The following PTPRD variants were observed in gnomAD, a reference collection of about 807,000 sequenced individuals.
The protein encoded by PTPRD is receptor-type tyrosine-protein phosphatase delta.
A neutral mutation model predicts 214.5 loss-of-function variants in PTPRD; 34 were observed. The observed-to-expected ratio is 0.16, with a 90% CI of 0.12 to 0.21. The LOEUF (loss-of-function observed/expected upper bound fraction) is 0.21. Ranked by LOEUF, PTPRD falls within the 10% of genes least tolerant of loss-of-function variation. PTPRD has a pLI of 1.00. For synonymous variants in PTPRD, 1,128 were observed against 845.7 expected (o/e 1.33, Z -5.79); for missense variants, 2,545 against 2,398.7 (o/e 1.06, Z -1.27).
chr9:8,629,012 T>C (rs1006534186), intron 14 of PTPRD, among the ~76,000 whole-genome samples: 1 of 151,802 alleles, frequency 6.6e-6, no homozygotes, highest in African/African-American at 2.4e-5. Context: ...GCAGTGCTAT[T>C]TGAGAACAGC....
chr9:8,504,977 TA>T lies in PTPRD; in HGVS notation c.1678-573del, dbSNP rs1301885667. On this transcript the variant is annotated intron_variant, in intron 22 of 45. Coordinates refer to ENST00000381196, the MANE Select transcript of PTPRD (RefSeq NM_002839.4). The stretch of plus-strand genomic sequence containing the variant: ...ATGGGTAAAATATCACGTTAGTCAC[TA>T]AAGAAAGTTGAATAATTTATCTGAA... 2.6e-5 allele frequency among the ~76,000 whole-genome samples: 4 copies of T among 152,308 alleles called. No individual in the cohort carries two copies. The South Asian group carries it at 8.3e-4, about 32-fold the overall frequency.
At chr9:9,010,969 T>C (rs2099509473) in intron 11 of PTPRD, among the ~76,000 whole-genome samples, 1 of 152,184 alleles carries the variant, frequency 6.6e-6, no homozygotes, top group Non-Finnish European at 1.5e-5. Flanking sequence ...TAATGATTAA[T>C]ATTGATTATT....
At chr9:9,295,125 G>A (rs1391724935) in intron 9 of PTPRD, among the ~76,000 whole-genome samples, 1 of 151,676 alleles carries the variant, frequency 6.6e-6, no homozygotes, top group African/African-American at 2.4e-5. Flanking sequence ...GAAAAGCTGG[G>A]TAATCAGGAA....
chr9:8,940,317 C>T (rs2099024896), intron 11 of PTPRD, among the ~76,000 whole-genome samples: 2 of 102,432 alleles, frequency 2.0e-5, no homozygotes, highest in Non-Finnish European at 3.8e-5. Flanking sequence ...GAGTCTTCCT[C>T]TGTCACCCAG....
intron 12 of PTPRD, among the ~76,000 whole-genome samples, chr9:8,722,129 G>GTGTA (rs775351156): frequency 2.2e-5 from 1 of 46,020 alleles, no homozygotes; most frequent in Non-Finnish European, 4.0e-5. Flanking sequence ...TACTCTGTGT[G>GTGTA]TGTGTGTGTG....
intron 5 of PTPRD, among the ~76,000 whole-genome samples, chr9:9,771,433 G>A (rs1003553758): frequency 1.3e-5 from 2 of 152,222 alleles, no homozygotes; most frequent in African/African-American, 2.4e-5. Flanking sequence ...TTACTGTAAT[G>A]GAACCAACCA....
At chr9:9,614,214 G>A (rs2094713104) in intron 7 of PTPRD, among the ~76,000 whole-genome samples, 1 of 151,988 alleles carries the variant, frequency 6.6e-6, no homozygotes, top group Admixed American at 6.6e-5. Flanking sequence ...GTTAATTTTA[G>A]ATCTTTGTGG....
intron 3 of PTPRD, among the ~76,000 whole-genome samples, chr9:10,064,756 T>A (rs1173081798): frequency 6.6e-6 from 1 of 151,936 alleles, no homozygotes; most frequent in Non-Finnish European, 1.5e-5. Flanking sequence ...CTCAGCATAA[T>A]GTTATAAACT....
At chr9:8,544,185 T>TTTTTTTTGG (rs369919861) in intron 14 of PTPRD, among the ~76,000 whole-genome samples, 1 of 137,722 alleles carries the variant, frequency 7.3e-6, no homozygotes, top group Non-Finnish European at 1.6e-5. Flanking sequence ...TTTTTTTTTT[T>TTTTTTTTGG]GAGACAGAGT....
At chr9:9,854,102 A>T (rs1167652194) in intron 5 of PTPRD, among the ~76,000 whole-genome samples, 1 of 152,142 alleles carries the variant, frequency 6.6e-6, no homozygotes, top group Non-Finnish European at 1.5e-5. Context: ...TACTCCTCCT[A>T]TCTAATTGTA....
chr9:10,103,395 T>TATATATATATATATATATGTA (rs34926923), intron 3 of PTPRD, among the ~76,000 whole-genome samples: 1,459 of 116,492 alleles, frequency 0.013, 41 homozygotes, highest in Admixed American at 0.018. Context: ...ATATATATAT[T>TATATATATATATATATATGTA]TATTTAAGAG....
intron 6 of PTPRD, among the ~76,000 whole-genome samples, chr9:9,745,077 A>G (rs1248966850): frequency 2.6e-5 from 4 of 152,132 alleles, no homozygotes; most frequent in Non-Finnish European, 5.9e-5. Flanking sequence ...CTGATAAAAT[A>G]CTTTAAACAT....
At chr9:10,362,494 G>T (rs886202063) in intron 2 of PTPRD, among the ~76,000 whole-genome samples, 1 of 152,066 alleles carries the variant, frequency 6.6e-6, no homozygotes, top group Non-Finnish European at 1.5e-5. Flanking sequence ...AAAATTCAAT[G>T]TCTAGAGAAG....
At chr9:9,009,473 A>G (rs2099498761) in intron 11 of PTPRD, among the ~76,000 whole-genome samples, 1 of 152,042 alleles carries the variant, frequency 6.6e-6, no homozygotes, top group South Asian at 2.1e-4. Context: ...CAGGTTTGTT[A>G]CATAGGTAAA....
At chr9:9,768,473 T>A (rs1051947633) in intron 5 of PTPRD, among the ~76,000 whole-genome samples, 3 of 152,224 alleles carry the variant, frequency 2.0e-5, no homozygotes, top group African/African-American at 7.2e-5. Context: ...TATGTTTCAT[T>A]TCTTCTCTTA....
chr9:10,488,953 T>C (rs574231618), intron 2 of PTPRD, among the ~76,000 whole-genome samples: 15 of 152,248 alleles, frequency 9.9e-5, no homozygotes, highest in Non-Finnish European at 2.1e-4. Context: ...TCTACCCCAC[T>C]GTATCTTAGC....
At chr9:8,993,748 A>G (rs1171665013) in intron 11 of PTPRD, among the ~76,000 whole-genome samples, 2 of 152,106 alleles carry the variant, frequency 1.3e-5, no homozygotes, top group Non-Finnish European at 2.9e-5. Flanking sequence ...ATGAAGGAAG[A>G]GTTTCTCAGA....
At chr9:9,586,832 T>G (rs1360142263) in intron 7 of PTPRD, among the ~76,000 whole-genome samples, 1 of 151,984 alleles carries the variant, frequency 6.6e-6, no homozygotes, top group African/African-American at 2.4e-5. Context: ...ATCTCTGATT[T>G]TATTAGTATA....
chr9:9,073,982 C>T (rs2154411924), intron 10 of PTPRD, among the ~76,000 whole-genome samples: 1 of 152,058 alleles, frequency 6.6e-6, no homozygotes, highest in Non-Finnish European at 1.5e-5. Flanking sequence ...TATAACCTTC[C>T]AGAAAAGTGG....
Sources: gnomAD v4.1 joint callset for allele counts (sites outside exome capture counted in the v4.1 genomes callset) on GRCh38, gnomAD v4.1.1 for gene constraint, MANE v1.5 for transcripts, NCBI Gene and HGNC (gene_info 2026-07-23, HGNC 2026-07-21) for gene names.